MAPK4: variants seen among roughly 807,000 people sequenced by gnomAD.
MAPK4 encodes Erk3-related.
In MAPK4, 22 loss-of-function variants were observed where a neutral mutation model predicts 47.7. That is an observed-to-expected ratio of 0.46 (90% confidence interval 0.33 to 0.66). The LOEUF (loss-of-function observed/expected upper bound fraction) is 0.66, where lower values mean the gene tolerates loss of function less well. Among genes scored for constraint, MAPK4 ranks in the 30% least tolerant of loss-of-function variants. The pLI is 0.02. For synonymous variants in MAPK4, 390 were observed against 365.7 expected, an observed-to-expected ratio of 1.07 and a Z score of -0.76; for missense variants, 736 against 831.7, an observed-to-expected ratio of 0.88 and a Z score of 1.42.
chr18:50,702,986 G>C (rs1909870648), intron 2 of MAPK4, among the ~76,000 whole-genome samples: 1 of 152,224 alleles, frequency 6.6e-6, no homozygotes, highest in African/African-American at 2.4e-5. Context: ...GCAACTTGCA[G>C]GTTTTCCCAG....
chr18:50,630,669 A>G (rs2042821091), intron 1 of MAPK4, among the ~76,000 whole-genome samples: 1 of 152,188 alleles, frequency 6.6e-6, no homozygotes, highest in Non-Finnish European at 1.5e-5. Flanking sequence ...CTGATCCTGC[A>G]CCTGGCAGGT....
At chr18:50,700,267 C>G (rs1909717340) in intron 2 of MAPK4, among the ~76,000 whole-genome samples, 1 of 152,140 alleles carries the variant, frequency 6.6e-6, no homozygotes, top group Admixed American at 6.5e-5. Context: ...TCAGGAAATT[C>G]CAAGGGTTTA....
intron 1 of MAPK4, among the ~76,000 whole-genome samples, chr18:50,570,858 A>C (rs1193956394): frequency 6.6e-6 from 1 of 152,222 alleles, no homozygotes. Flanking sequence ...AAGGCTGGAC[A>C]AAGGGAGCCT....
intron 1 of MAPK4, among the ~76,000 whole-genome samples, chr18:50,563,658 G>A (rs766470536): frequency 1.3e-5 from 2 of 151,934 alleles, no homozygotes; most frequent in African/African-American, 2.4e-5. Context: ...TTTTCTCTCT[G>A]CATCCCTCCC....
intron 1 of MAPK4, among the ~76,000 whole-genome samples, chr18:50,630,229 C>A (rs914082861): frequency 6.6e-6 from 1 of 152,174 alleles, no homozygotes; most frequent in Non-Finnish European, 1.5e-5. Context: ...GTCTGTGTCA[C>A]CCAGGCTGGA....
chr18:50,585,802 T>G (rs561704486), intron 1 of MAPK4, among the ~76,000 whole-genome samples: 1 of 152,272 alleles, frequency 6.6e-6, no homozygotes, highest in East Asian at 1.9e-4. Context: ...TAGCAGAAGG[T>G]AAACCAAACA....
rs1484788051 is a variant in MAPK4 at position 50,560,178 on chromosome 18, C to T, written c.-936C>T. The T allele has an allele frequency of 6.6e-6, 1 of 150,394 alleles. No individual in the cohort carries two copies. Among genetic ancestry groups the T allele is most frequent in the African/African-American group, 2.4e-5 (1 of 41,244 alleles). The allele number at this position is 150,394 out of a possible 1,614,324, so 9.3% of individuals were successfully genotyped here. A position where few individuals can be genotyped will look rare whatever the true frequency, so the allele number is the denominator to read the frequency against. ...CTGGGACCGGCCTGGCCGAGCGCGC[C>T]GGCGCCGCGGCCGCAGACAAAGGGC... On this transcript the variant is annotated 5_prime_UTR_variant, in exon 1 of 6. Coordinates refer to ENST00000400384, the MANE Select transcript of MAPK4 (RefSeq NM_002747.4).
chr18:50,662,134 T>A (rs1423139409), intron 1 of MAPK4, among the ~76,000 whole-genome samples: 2 of 152,248 alleles, frequency 1.3e-5, no homozygotes, highest in African/African-American at 4.8e-5. Context: ...TAGGAGGCCC[T>A]GCGATATGAG....
intron 3 of MAPK4, among the ~76,000 whole-genome samples, chr18:50,716,482 T>C (rs1262360802): frequency 1.3e-5 from 2 of 152,266 alleles, no homozygotes; most frequent in African/African-American, 4.8e-5. Context: ...CAAAGAATTT[T>C]CATCCATCCC....
chr18:50,659,946 G>T (rs1291519818), intron 1 of MAPK4, among the ~76,000 whole-genome samples: 1 of 152,182 alleles, frequency 6.6e-6, no homozygotes, highest in Non-Finnish European at 1.5e-5. Context: ...ACCAAGAGCT[G>T]CCATAACCAC....
At position 50,706,054 on chromosome 18, in the gene MAPK4, T is replaced by A. The variant is rs567576650; in HGVS notation, c.547-9025T>A. Reference sequence around the variant, plus strand: ...TACCTGTTTCACAGGGTCATTTTGATAATTAAATGCACTATTAATAAAGCA... The same window carrying A: ...TACCTGTTTCACAGGGTCATTTTGAAAATTAAATGCACTATTAATAAAGCA... On this transcript the variant is annotated intron_variant, in intron 2 of 5. Coordinates refer to ENST00000400384, the MANE Select transcript of MAPK4 (RefSeq NM_002747.4). 3.9e-5 allele frequency: 6 copies of A among 152,354 alleles called. No individual in the cohort carries two copies. The South Asian group carries it at 1.2e-3, about 32-fold the overall frequency. 9.4% of individuals were successfully genotyped at this position (152,354 alleles called of 1,614,324 possible).
intron 1 of MAPK4, among the ~76,000 whole-genome samples, chr18:50,591,607 A>G (rs2042437382): frequency 6.6e-6 from 1 of 151,364 alleles, no homozygotes; most frequent in African/African-American, 2.4e-5. Flanking sequence ...ATGGTTTACA[A>G]AATGTTTTCT....
Position 50,594,916 on chromosome 18 carries a change from A to C in MAPK4, c.-871+34673A>C, listed in dbSNP as rs2042468969. On this transcript the variant is annotated intron_variant, in intron 1 of 5. Coordinates refer to ENST00000400384, the MANE Select transcript of MAPK4 (RefSeq NM_002747.4). ...CACTCAGTGAAAAACATGGCAAAAG[A>C]CTTGAAAAGACATTTGATCTACAAT... 2.0e-5 allele frequency among the ~76,000 whole-genome samples: 3 copies of C among 152,230 alleles called. No individual in the cohort carries two copies. The South Asian group carries it at 6.2e-4, about 32-fold the overall frequency.
chr18:50,674,719 C>T (rs1318660910), intron 2 of MAPK4, among the ~76,000 whole-genome samples: 1 of 152,184 alleles, frequency 6.6e-6, no homozygotes, highest in Non-Finnish European at 1.5e-5. Context: ...AGCCGTTATC[C>T]CCACGTTACT....
intron 2 of MAPK4, among the ~76,000 whole-genome samples, chr18:50,696,352 G>A (rs1909512704): frequency 6.6e-6 from 1 of 152,246 alleles, no homozygotes; most frequent in South Asian, 2.1e-4. Flanking sequence ...CAGGGGAACT[G>A]TAACAGCATC....
At chr18:50,613,724 C>T (rs1247323343) in intron 1 of MAPK4, among the ~76,000 whole-genome samples, 1 of 152,206 alleles carries the variant, frequency 6.6e-6, no homozygotes, top group African/African-American at 2.4e-5. Context: ...GTCTTATATA[C>T]ACCATACATA....
At chr18:50,654,220 C>T (rs961205355) in intron 1 of MAPK4, among the ~76,000 whole-genome samples, 12 of 152,198 alleles carry the variant, frequency 7.9e-5, no homozygotes, top group Non-Finnish European at 5.9e-5. Flanking sequence ...TCCCAAAATT[C>T]GGCAGGAAAA....
intron 1 of MAPK4, among the ~76,000 whole-genome samples, chr18:50,603,201 T>C (rs1292116255): frequency 6.6e-6 from 1 of 152,102 alleles, no homozygotes; most frequent in Non-Finnish European, 1.5e-5. Context: ...CTCTCCCCTG[T>C]CATTTCTGTT....
intron 2 of MAPK4, among the ~76,000 whole-genome samples, chr18:50,679,444 A>G (rs1469654446): frequency 2.6e-5 from 4 of 152,054 alleles, no homozygotes; most frequent in Non-Finnish European, 5.9e-5. Context: ...ACAATTCACA[A>G]TAATGCACCC....
Sources: gnomAD v4.1 joint callset for allele counts (sites outside exome capture counted in the v4.1 genomes callset) on GRCh38, gnomAD v4.1.1 for gene constraint, MANE v1.5 for transcripts, NCBI Gene and HGNC (gene_info 2026-07-23, HGNC 2026-07-21) for gene names.